The following PCTP variants were observed in gnomAD, a reference collection of about 807,000 sequenced individuals.
PCTP encodes START domain-containing protein 2.
PCTP carries 27 observed loss-of-function variants against 31.0 expected under a neutral mutation model. The observed-to-expected ratio is 0.87, with a 90% confidence interval of 0.64 to 1.20. PCTP has a LOEUF of 1.20. Ranked by LOEUF, PCTP falls within the 50% of genes most tolerant of loss-of-function variation. PCTP has a pLI of 0.00. For missense variants in PCTP, 287 were observed against 268.2 expected, an observed-to-expected ratio of 1.07 and a Z score of -0.49; for synonymous variants, 108 against 101.2, an observed-to-expected ratio of 1.07 and a Z score of -0.40.
chr17:55,776,514 C>T lies in PCTP; in HGVS notation c.*414C>T, dbSNP rs562701483. On this transcript the variant is annotated 3_prime_UTR_variant, in exon 6 of 6. Transcript: ENST00000268896. ...CAAAATTTAAGAATGACTATTTGGG[C>T]GGGCTGGCTCTTTTGCAGCTTGTGA... 81 of 1,232,044 alleles carry T rather than the reference C, an allele frequency of 6.6e-5. No homozygotes were observed. In the East Asian group the frequency reaches 1.1e-3, roughly 16 times the overall value. 76.3% of individuals were successfully genotyped at this position (1,232,044 alleles called of 1,614,324 possible).
downstream of PCTP, among the ~76,000 whole-genome samples, chr17:55,825,078 A>G (rs12602568): frequency 0.1 from 15,876 of 152,242 alleles, 1,194 homozygotes; most frequent in East Asian, 0.38. Flanking sequence ...AATTTTTTTA[A>G]TGTCTTTTCT....
chr17:55,847,907 TTTTTTG>T, the PCTP span, among the ~76,000 whole-genome samples: 196 of 152,168 alleles, frequency 1.3e-3, 2 homozygotes, highest in Middle Eastern at 3.4e-3. Flanking sequence ...CAGAATAATG[TTTTTTG>T]TTTTTGTTTT....
At chr17:55,785,574 G>A (rs912726713) in intron 2 of PCTP, among the ~76,000 whole-genome samples, 28 of 152,164 alleles carry the variant, frequency 1.8e-4, no homozygotes. Context: ...CTCCAAAGTC[G>A]TCTCTCTCTA....
At chr17:55,791,918 A>G (rs1270530771) in intron 3 of PCTP, among the ~76,000 whole-genome samples, 1 of 152,144 alleles carries the variant, frequency 6.6e-6, no homozygotes, top group Non-Finnish European at 1.5e-5. Flanking sequence ...AATGTCCAAC[A>G]GTGATAGACT....
At chr17:55,837,752 C>T (rs940295552) in intron 5 of PCTP, among the ~76,000 whole-genome samples, 1 of 148,490 alleles carries the variant, frequency 6.7e-6, no homozygotes, top group African/African-American at 2.5e-5. Flanking sequence ...CATCATCTCT[C>T]TTGCCCAGGG....
At chr17:55,766,270 T>C (rs1910646302) in intron 1 of PCTP, among the ~76,000 whole-genome samples, 1 of 152,108 alleles carries the variant, frequency 6.6e-6, no homozygotes, top group African/African-American at 2.4e-5. Flanking sequence ...TTTTTTTTTT[T>C]TTTATTATAC....
chr17:55,807,900 CA>C (rs1266182156), intron 3 of PCTP, among the ~76,000 whole-genome samples: 1 of 152,142 alleles, frequency 6.6e-6, no homozygotes, highest in Non-Finnish European at 1.5e-5. Flanking sequence ...AGCATTTTCA[CA>C]TTCATTATCT....
chr17:55,753,349 G>T (rs2912547), intron 1 of PCTP, among the ~76,000 whole-genome samples: 95,598 of 152,058 alleles, frequency 0.63, 35,783 homozygotes, highest in East Asian at 0.87. Context: ...GTGGCCTATT[G>T]ATTGCAGAAA....
intron 3 of PCTP, among the ~76,000 whole-genome samples, chr17:55,821,913 G>A (rs759393011): frequency 2.6e-5 from 4 of 152,156 alleles, no homozygotes; most frequent in Non-Finnish European, 5.9e-5. Context: ...CCTGGAACTG[G>A]GGTGAGGTGT....
At chr17:55,832,757 G>T (rs1905644701) in intron 5 of PCTP, among the ~76,000 whole-genome samples, 1 of 152,262 alleles carries the variant, frequency 6.6e-6, no homozygotes, top group Admixed American at 6.5e-5. Flanking sequence ...ATGTTCGATG[G>T]GCTAAAACAA....
At chr17:55,794,427 C>G (rs1251593037) in intron 3 of PCTP, among the ~76,000 whole-genome samples, 1 of 151,602 alleles carries the variant, frequency 6.6e-6, no homozygotes, top group Non-Finnish European at 1.5e-5. Flanking sequence ...TTGTTTAACC[C>G]GTCTCTTGTT....
At chr17:55,816,122 G>A (rs1040092104) in intron 3 of PCTP, among the ~76,000 whole-genome samples, 4 of 152,044 alleles carry the variant, frequency 2.6e-5, no homozygotes, top group African/African-American at 7.2e-5. Flanking sequence ...TCTCACATAC[G>A]ATTCACCCAT....
downstream of PCTP, among the ~76,000 whole-genome samples, chr17:55,777,889 G>A (rs1911420690): frequency 6.6e-6 from 1 of 152,100 alleles, no homozygotes; most frequent in Admixed American, 6.6e-5. Context: ...GTTAATAGAA[G>A]TCAAGTTGAA....
Position 55,751,165 on chromosome 17 carries a change from A to C in PCTP, c.62A>C (p.Gln21Pro). 6.5e-7 allele frequency: 1 copy of C among 1,548,540 alleles called. No individual in the cohort carries two copies. The highest frequency in any genetic ancestry group is 8.7e-7 in the Non-Finnish European group (1 of 1,146,174). ...EQFWEACAEL[Q>P]QPALAGADWQ... ...TTCTGGGAGGCCTGCGCCGAGCTCC[A>C]GCAGCCCGCTCTGGCCGGGGCCGAC... The change falls in exon 1 of 6, where the codon CAG becomes CCG. Residue 21 changes from glutamine (Q) to proline (P), a missense_variant. Transcript: ENST00000268896.
At chr17:55,787,352 A>AAT (rs748853138) in intron 2 of PCTP, among the ~76,000 whole-genome samples, 18 of 150,618 alleles carry the variant, frequency 1.2e-4, no homozygotes, top group East Asian at 9.7e-4. Flanking sequence ...ATAAAATATG[A>AAT]ATATATATAT....
At chr17:55,816,785 A>G (rs2060972) in intron 3 of PCTP, among the ~76,000 whole-genome samples, 21,346 of 152,278 alleles carry the variant, frequency 0.14, 1,573 homozygotes, top group Middle Eastern at 0.19. Flanking sequence ...TAACACTAAA[A>G]TGCACTAAAG....
downstream of PCTP, among the ~76,000 whole-genome samples, chr17:55,824,134 T>C (rs1905317011): frequency 6.6e-6 from 1 of 152,108 alleles, no homozygotes; most frequent in African/African-American, 2.4e-5. Flanking sequence ...AAACTTGATG[T>C]TCTCTTTTTA....
Position 55,773,864 on chromosome 17 carries a change from G to A in PCTP, c.480G>A (p.Ala160=), listed in dbSNP as rs1219723618. Residue 160 remains alanine (A), a synonymous_variant, in exon 4 of 6, where the codon GCG becomes GCA. Transcript: ENST00000268896. ...IRVKQYKQSL[A]IESDGKKGSK... ...TGAAGCAATACAAGCAGAGCCTGGC[G>A]ATCGAGAGTGACGGCAAGAAGGGGA... is the stretch of plus-strand genomic sequence containing the variant. 1.5e-5 allele frequency: 24 copies of A among 1,610,990 alleles called. No individual in the cohort carries two copies. Among genetic ancestry groups the A allele is most frequent in the African/African-American group, 2.7e-5 (2 of 74,812 alleles).
rs563067860 is a variant in PCTP, at chr17:55,786,661, G to A, written c.229-905G>A. ...TTCTGTTAACTCTATCTCTTTGGGT[G>A]TAAGTTCTATTTATCAAGTTTATTA... On this transcript the variant is annotated intron_variant, in intron 2 of 3. Transcript: ENST00000572536. Among the ~76,000 whole-genome samples, 3 of 152,326 alleles carry A rather than the reference G, an allele frequency of 2.0e-5. No homozygotes were observed. In the South Asian group the frequency reaches 6.2e-4, roughly 32 times the overall value.
Sources: allele counts gnomAD v4.1 joint callset (sites outside exome capture counted in the v4.1 genomes callset), GRCh38; gene constraint gnomAD v4.1.1; transcripts MANE v1.5; gene names NCBI Gene and HGNC (gene_info 2026-07-23, HGNC 2026-07-21).